Variants in CLCN5 observed in about 807,000 individuals in gnomAD.
The protein encoded by CLCN5 is Cl-/H+ antiporter 5.
In CLCN5, 17 loss-of-function variants were observed where a neutral mutation model predicts 54.0. The ratio of observed to expected loss-of-function variants is 0.31; its 90% CI spans 0.22 to 0.47. The LOEUF is 0.47. Ranked by LOEUF, CLCN5 falls within the 20% of genes least tolerant of loss-of-function variation. CLCN5 has a pLI of 1.00. For missense variants in CLCN5, 448 were observed against 646.7 expected, an observed-to-expected ratio of 0.69 and a Z score of 3.33; for synonymous variants, 222 against 233.0, an observed-to-expected ratio of 0.95 and a Z score of 0.43.
At chrX:50,083,324 C>T (rs1275579229) in intron 9 of CLCN5, among the ~76,000 whole-genome samples, 4 of 111,300 alleles carry the variant, frequency 3.6e-5, no homozygotes, top group Non-Finnish European at 5.7e-5. Context: ...GGAAAGCTAG[C>T]AGGAGAGAAG....
At chrX:50,032,269 G>T (rs781795574) in intron 3 of CLCN5, among the ~76,000 whole-genome samples, 1 of 111,511 alleles carries the variant, frequency 9.0e-6, no homozygotes, top group Non-Finnish European at 1.9e-5. Context: ...GGTATTTCTC[G>T]TTCTAGATTC....
intron 9 of CLCN5, among the ~76,000 whole-genome samples, chrX:50,084,192 G>A (rs1557193582): frequency 9.0e-6 from 1 of 111,688 alleles, no homozygotes; most frequent in African/African-American, 3.3e-5. Flanking sequence ...AACATGTACA[G>A]CATGCGACTA....
In CLCN5 at chrX:50,085,988, G is replaced by A. The variant is rs782320623; in HGVS notation, c.942G>A (p.Ser314=). 44 of 1,206,234 alleles carry A rather than the reference G, an allele frequency of 3.6e-5. No homozygotes were observed. The East Asian group carries it at 7.1e-4, about 19-fold the overall frequency. Reference sequence around the variant, plus strand: ...TGAGTTTTGGATTTTAGGTCTTGTCGGCTGCAGCAGCAGCTGGTGTATCTG... The same window carrying A: ...TGAGTTTTGGATTTTAGGTCTTGTCAGCTGCAGCAGCAGCTGGTGTATCTG... ...KNEAKRREVL[S]AAAAAGVSVA... is the part of the protein sequence containing the mutation. The change falls in exon 10 of 15, where the codon TCG becomes TCA. Residue 314 remains serine, a synonymous_variant. Coordinates refer to ENST00000376091, the MANE Select transcript of CLCN5 (RefSeq NM_001127898.4).
chrX:49,949,374 A>G (rs1023601671), intron 3 of CLCN5, among the ~76,000 whole-genome samples: 1 of 112,329 alleles, frequency 8.9e-6, no homozygotes, highest in Non-Finnish European at 1.9e-5. Context: ...TGGGTAGGGC[A>G]GGAGATCCAT....
intron 3 of CLCN5, among the ~76,000 whole-genome samples, chrX:49,966,600 TTTTTTTTTTTTA>T (rs1927878737): frequency 6.1e-5 from 1 of 16,367 alleles, no homozygotes; most frequent in Non-Finnish European, 1.1e-4. Flanking sequence ...TTTTTTTTTT[TTTTTTTTTTTTA>T]TTTTTTTATT....
At chrX:49,986,075 AT>A (rs1216598551) in intron 3 of CLCN5, among the ~76,000 whole-genome samples, 1 of 111,222 alleles carries the variant, frequency 9.0e-6, no homozygotes, top group East Asian at 2.8e-4. Flanking sequence ...ACTTTCTTTT[AT>A]TTGTAATAAT....
At chrX:50,031,346 G>A (rs781790584) in intron 3 of CLCN5, among the ~76,000 whole-genome samples, 2 of 111,649 alleles carry the variant, frequency 1.8e-5, no homozygotes, top group Non-Finnish European at 3.8e-5. Flanking sequence ...GGTCTCTTCT[G>A]ACTGGTTTGT....
intron 10 of CLCN5, 100 bp downstream of exon 10, chrX:50,086,160 T>C: frequency 1.2e-6 from 1 of 866,740 alleles, no homozygotes; most frequent in South Asian, 2.1e-5. Context: ...TATCTGTGTA[T>C]ATCCCAGTCC....
At chrX:50,052,111 G>A (rs1932605842) in intron 4 of CLCN5, among the ~76,000 whole-genome samples, 1 of 111,897 alleles carries the variant, frequency 8.9e-6, no homozygotes, top group Non-Finnish European at 1.9e-5. Context: ...CCTGCTCTTA[G>A]GGGAAAAGAG....
At chrX:50,077,960 G>A (rs1251598203) in intron 7 of CLCN5, among the ~76,000 whole-genome samples, 3 of 105,299 alleles carry the variant, frequency 2.8e-5, no homozygotes, top group African/African-American at 7.0e-5. Flanking sequence ...CCTGGGAGGC[G>A]GAGGTTGCAG....
intron 3 of CLCN5, chrX:50,003,567 AG>A (rs1557180939): frequency 2.7e-6 from 1 of 372,975 alleles, no homozygotes; most frequent in Admixed American, 2.6e-5. Flanking sequence ...TCCCACATGC[AG>A]GGTTTGCAGG....
intron 3 of CLCN5, among the ~76,000 whole-genome samples, chrX:49,952,955 G>A (rs1183249227): frequency 2.0e-5 from 2 of 101,701 alleles, no homozygotes; most frequent in Non-Finnish European, 4.0e-5. Context: ...GCACAATCTC[G>A]GCTCACCGCA....
chrX:50,013,602 AT>A lies in CLCN5; in HGVS notation c.17-28711del, dbSNP rs1179847783. Among the ~76,000 whole-genome samples, 12 of 112,028 alleles carry A rather than the reference AT, an allele frequency of 1.1e-4. 1 individual carries two copies. Among genetic ancestry groups the A allele is most frequent in the African/African-American group, 3.9e-4 (12 of 30,818 alleles). On this transcript the variant is annotated intron_variant, in intron 3 of 14. Transcript: ENST00000376091. The stretch of plus-strand genomic sequence containing the variant: ...CACACACATGTGTAAGTGTAGAAAC[AT>A]TTCTGTACAAAGCTGAAAGGAAGGA...
intron 3 of CLCN5, among the ~76,000 whole-genome samples, chrX:49,957,424 T>G (rs184367791): frequency 2.6e-4 from 29 of 112,671 alleles, no homozygotes; most frequent in Admixed American, 2.2e-3. Flanking sequence ...GTTTTAACCA[T>G]TTTAAAACTT....
intron 3 of CLCN5, among the ~76,000 whole-genome samples, chrX:49,988,441 A>T (rs1557178504): frequency 9.0e-6 from 1 of 111,122 alleles, no homozygotes; most frequent in Non-Finnish European, 1.9e-5. Flanking sequence ...TCCAGTGCTT[A>T]TTGGCTCCAG....
At chrX:50,085,378 C>T (rs371529264) in intron 9 of CLCN5, 1 of 120,623 alleles carries the variant, frequency 8.3e-6, no homozygotes, top group Non-Finnish European at 1.7e-5. Context: ...CCCACTCTCT[C>T]CTAGTCCCTT....
At chrX:50,077,788 C>A (rs1933490036) in intron 7 of CLCN5, among the ~76,000 whole-genome samples, 1 of 68,546 alleles carries the variant, frequency 1.5e-5, no homozygotes, top group Non-Finnish European at 2.5e-5. Flanking sequence ...GCAGCCTGGC[C>A]AACATGGTGA....
At chrX:50,054,814 A>G (rs1479030890) in intron 4 of CLCN5, among the ~76,000 whole-genome samples, 5 of 111,786 alleles carry the variant, frequency 4.5e-5, no homozygotes, top group Non-Finnish European at 9.4e-5. Context: ...TGCTTGCAGG[A>G]GCTGAATCCA....
At chrX:49,988,877 C>T (rs1042865490) in intron 3 of CLCN5, among the ~76,000 whole-genome samples, 29 of 110,084 alleles carry the variant, frequency 2.6e-4, no homozygotes, top group Admixed American at 6.8e-4. Flanking sequence ...ACAGCTTTGC[C>T]GCCTGTTCGT....
Sources: allele counts gnomAD v4.1 joint callset (sites outside exome capture counted in the v4.1 genomes callset), GRCh38; gene constraint gnomAD v4.1.1; transcripts MANE v1.5; gene names NCBI Gene and HGNC (gene_info 2026-07-23, HGNC 2026-07-21).